Variants in KPNA3 observed in about 807,000 individuals in gnomAD.
The protein encoded by KPNA3 is karyopherin subunit alpha 3.
A neutral mutation model predicts 73.8 loss-of-function variants in KPNA3; 13 were observed. The observed-to-expected ratio is 0.18, with a 90% confidence interval of 0.11 to 0.28. The LOEUF (loss-of-function observed/expected upper bound fraction) is 0.28. Among genes scored for constraint, KPNA3 ranks in the 10% least tolerant of loss-of-function variants. The probability of loss-of-function intolerance (pLI) is 1.00; values close to 1 mark genes in which losing one functional copy is unlikely to be tolerated. For missense variants in KPNA3, 360 were observed against 618.1 expected (o/e 0.58, Z 4.43); for synonymous variants, 186 against 206.9 (o/e 0.90, Z 0.87).
intron 1 of KPNA3, among the ~76,000 whole-genome samples, chr13:49,788,736 TTTAAA>T (rs1170596651): frequency 1.8e-4 from 14 of 77,926 alleles, no homozygotes; most frequent in African/African-American, 5.0e-4. Flanking sequence ...TTTTTTTTTT[TTTAAA>T]AAAAAAAAGC....
chr13:49,724,303 TA>T (rs1194440107), intron 7 of KPNA3, among the ~76,000 whole-genome samples: 3 of 151,892 alleles, frequency 2.0e-5, no homozygotes, highest in African/African-American at 7.3e-5. Context: ...GGTCACATGA[TA>T]ACTTTTTTTT....
chr13:49,781,318 T>G (rs979694647), intron 1 of KPNA3, among the ~76,000 whole-genome samples: 1 of 152,194 alleles, frequency 6.6e-6, no homozygotes, highest in African/African-American at 2.4e-5. Context: ...AAATGGCTAT[T>G]AAGGGCATGG....
At chr13:49,786,082 C>T (rs1278228760) in intron 1 of KPNA3, among the ~76,000 whole-genome samples, 1 of 152,090 alleles carries the variant, frequency 6.6e-6, no homozygotes, top group African/African-American at 2.4e-5. Flanking sequence ...CAAGTATGAG[C>T]GAGTTCATGT....
intron 1 of KPNA3, among the ~76,000 whole-genome samples, chr13:49,767,824 A>C (rs960017521): frequency 4.6e-5 from 7 of 152,238 alleles, no homozygotes; most frequent in African/African-American, 1.7e-4. Flanking sequence ...CTGAACATCT[A>C]CAAAATATGA....
intron 1 of KPNA3, among the ~76,000 whole-genome samples, chr13:49,759,473 T>C: frequency 6.6e-6 from 1 of 152,322 alleles, no homozygotes; most frequent in Non-Finnish European, 1.5e-5. Flanking sequence ...TTATTTCCAT[T>C]ATTATTATAT....
chr13:49,759,634 G>C (rs1262353035), intron 1 of KPNA3, among the ~76,000 whole-genome samples: 1 of 152,186 alleles, frequency 6.6e-6, no homozygotes, highest in East Asian at 1.9e-4. Flanking sequence ...CATGCACCTA[G>C]ATCACTCGCA....
chr13:49,779,191 T>A (rs1028729255), intron 1 of KPNA3, among the ~76,000 whole-genome samples: 1 of 152,158 alleles, frequency 6.6e-6, no homozygotes, highest in African/African-American at 2.4e-5. Context: ...CATAGCTAAA[T>A]CTTATATAAT....
chr13:49,705,156 C>T (rs575446829), intron 15 of KPNA3, among the ~76,000 whole-genome samples: 22 of 152,098 alleles, frequency 1.4e-4, no homozygotes, highest in Non-Finnish European at 2.9e-4. Flanking sequence ...GTCAGGAGTT[C>T]GAGACCAGCC....
chr13:49,728,950 A>C (rs184019216), intron 6 of KPNA3, among the ~76,000 whole-genome samples: 210 of 152,342 alleles, frequency 1.4e-3, no homozygotes, highest in African/African-American at 4.5e-3. Context: ...ATCTTAAAAA[A>C]ACAACCTGTA....
At chr13:49,712,028 G>T (rs1954264251) in intron 10 of KPNA3, among the ~76,000 whole-genome samples, 1 of 152,166 alleles carries the variant, frequency 6.6e-6, no homozygotes, top group South Asian at 2.1e-4. Flanking sequence ...CTGGGCCTAA[G>T]AGCTGAGCCC....
At chr13:49,740,149 G>A (rs1954560229) in intron 2 of KPNA3, among the ~76,000 whole-genome samples, 1 of 151,934 alleles carries the variant, frequency 6.6e-6, no homozygotes, top group East Asian at 1.9e-4. Context: ...CTACCCAGGA[G>A]GGTAGGAGAA....
intron 1 of KPNA3, among the ~76,000 whole-genome samples, chr13:49,759,514 T>G (rs980261617): frequency 6.6e-6 from 1 of 152,196 alleles, no homozygotes; most frequent in Non-Finnish European, 1.5e-5. Flanking sequence ...CAACTCACCA[T>G]AATGTAGAAT....
intron 10 of KPNA3, among the ~76,000 whole-genome samples, chr13:49,713,427 T>G (rs1386131204): frequency 6.6e-6 from 1 of 151,954 alleles, no homozygotes; most frequent in Non-Finnish European, 1.5e-5. Context: ...GAATATATAT[T>G]GAACTTTATA....
chr13:49,773,789 A>G (rs1376450717), intron 1 of KPNA3, among the ~76,000 whole-genome samples: 2 of 152,250 alleles, frequency 1.3e-5, no homozygotes, highest in Non-Finnish European at 2.9e-5. Flanking sequence ...AAGGTGTTAT[A>G]TATTTTCTGA....
intron 1 of KPNA3, among the ~76,000 whole-genome samples, chr13:49,790,326 G>A (rs750532338): frequency 1.3e-5 from 2 of 152,180 alleles, no homozygotes; most frequent in African/African-American, 2.4e-5. Context: ...AATTAGCCAG[G>A]TGTGGTGGTG....
chr13:49,792,266 C>T (rs1332675389), intron 1 of KPNA3, among the ~76,000 whole-genome samples, 172 bp downstream of exon 1: 1 of 151,240 alleles, frequency 6.6e-6, no homozygotes, highest in African/African-American at 2.4e-5. Context: ...TGCAGCCCGG[C>T]CGGCGTCTCG....
intron 1 of KPNA3, among the ~76,000 whole-genome samples, chr13:49,773,453 T>C (rs575820500): frequency 1.2e-4 from 19 of 152,336 alleles, no homozygotes; most frequent in African/African-American, 4.6e-4. Context: ...TAATTACCAA[T>C]GTCCTAATTT....
At chr13:49,755,499 GAA>G (rs1954702958) in intron 1 of KPNA3, among the ~76,000 whole-genome samples, 1 of 152,130 alleles carries the variant, frequency 6.6e-6, no homozygotes, top group Non-Finnish European at 1.5e-5. Flanking sequence ...AGATGCAAAA[GAA>G]AGAAAATAAT....
chr13:49,733,291 T>TTTG (rs1566343529), intron 2 of KPNA3, among the ~76,000 whole-genome samples: 2 of 145,250 alleles, frequency 1.4e-5, no homozygotes, highest in Non-Finnish European at 3.0e-5. Flanking sequence ...TGTTTTTTTT[T>TTTG]TTTTTTTTTT....
Sources: gnomAD v4.1 joint callset for allele counts (sites outside exome capture counted in the v4.1 genomes callset) on GRCh38, gnomAD v4.1.1 for gene constraint, MANE v1.5 for transcripts, NCBI Gene and HGNC (gene_info 2026-07-23, HGNC 2026-07-21) for gene names.